Variants in CNTN5 observed in about 807,000 individuals in gnomAD.
CNTN5 encodes the protein contactin 5, also known as contactin-5.
A neutral mutation model predicts 129.1 loss-of-function variants in CNTN5; 77 were observed. The ratio of observed to expected loss-of-function variants is 0.60; its 90% CI spans 0.50 to 0.72. The LOEUF (loss-of-function observed/expected upper bound fraction) is 0.72, where lower values mean the gene tolerates loss of function less well. Among genes scored for constraint, CNTN5 ranks in the 30% least tolerant of loss-of-function variants. CNTN5 has a pLI of 0.00. For missense variants in CNTN5, 1,478 were observed against 1,328.8 expected (o/e 1.11, Z -1.75); for synonymous variants, 509 against 465.6 (o/e 1.09, Z -1.20).
chr11:99,890,948 C>G (rs1159572494), intron 6 of CNTN5, among the ~76,000 whole-genome samples: 2 of 151,970 alleles, frequency 1.3e-5, no homozygotes, highest in Non-Finnish European at 2.9e-5. Flanking sequence ...AAAATCAGAC[C>G]ATTGCCAATT....
intron 3 of CNTN5, among the ~76,000 whole-genome samples, chr11:99,564,992 T>G (rs1948956248): frequency 6.6e-6 from 1 of 152,214 alleles, no homozygotes; most frequent in Non-Finnish European, 1.5e-5. Flanking sequence ...CCAGTAATTA[T>G]TCTAATTTCT....
intron 2 of CNTN5, among the ~76,000 whole-genome samples, chr11:99,553,705 C>A (rs938148280): frequency 1.3e-5 from 2 of 151,384 alleles, no homozygotes; most frequent in Non-Finnish European, 2.9e-5. Context: ...ATATACATAT[C>A]AAAGCATTAT....
chr11:99,737,303 G>T (rs1402112522), intron 3 of CNTN5, among the ~76,000 whole-genome samples: 16 of 152,202 alleles, frequency 1.1e-4, no homozygotes, highest in African/African-American at 3.6e-4. Context: ...TTCTCCTGAA[G>T]CTCCTGTAAT....
At chr11:99,409,115 T>C (rs1942268951) in intron 2 of CNTN5, among the ~76,000 whole-genome samples, 1 of 152,190 alleles carries the variant, frequency 6.6e-6, no homozygotes, top group South Asian at 2.1e-4. Flanking sequence ...GTAGTTGATA[T>C]TTCTAATAAT....
intron 16 of CNTN5, 95 bp from the exon 17 acceptor site, chr11:100,255,665 T>C: frequency 9.5e-7 from 1 of 1,052,720 alleles, no homozygotes; most frequent in Non-Finnish European, 1.4e-6. Context: ...TTAAGGTGAT[T>C]ACATAGTTGG....
chr11:99,039,747 C>T (rs1863914598), intron 1 of CNTN5, among the ~76,000 whole-genome samples: 1 of 152,042 alleles, frequency 6.6e-6, no homozygotes, highest in Admixed American at 6.6e-5. Context: ...AACAAAGAAA[C>T]CATTTGTTGC....
chr11:99,826,778 G>T (rs1946973255), intron 4 of CNTN5, among the ~76,000 whole-genome samples: 1 of 152,094 alleles, frequency 6.6e-6, no homozygotes, highest in Non-Finnish European at 1.5e-5. Flanking sequence ...TTTTATCTGT[G>T]TTAACAGCAA....
At chr11:99,718,987 AG>A (rs780903770) in intron 3 of CNTN5, among the ~76,000 whole-genome samples, 5 of 152,126 alleles carry the variant, frequency 3.3e-5, no homozygotes, top group Non-Finnish European at 5.9e-5. Flanking sequence ...AAAAAATGAT[AG>A]AGTGATGTTC....
intron 3 of CNTN5, among the ~76,000 whole-genome samples, chr11:99,632,080 C>G (rs760787667): frequency 2.6e-5 from 4 of 151,960 alleles, no homozygotes; most frequent in Non-Finnish European, 5.9e-5. Flanking sequence ...TCAGGTATCC[C>G]CTGGGGGACT....
chr11:99,740,915 T>A (rs1047638187), intron 3 of CNTN5, among the ~76,000 whole-genome samples: 2 of 152,176 alleles, frequency 1.3e-5, no homozygotes, highest in African/African-American at 4.8e-5. Flanking sequence ...ACTATCTGCT[T>A]ATGTTTTCTG....
intron 2 of CNTN5, among the ~76,000 whole-genome samples, chr11:99,437,785 T>G (rs184080840): frequency 2.4e-4 from 37 of 152,246 alleles, no homozygotes; most frequent in African/African-American, 8.4e-4. Context: ...ATCGCACACT[T>G]GCAATCCAGC....
At chr11:99,886,610 C>G (rs1948907318) in intron 6 of CNTN5, among the ~76,000 whole-genome samples, 1 of 151,994 alleles carries the variant, frequency 6.6e-6, no homozygotes. Context: ...TACCATGAGA[C>G]ATATAAAAGA....
intron 2 of CNTN5, among the ~76,000 whole-genome samples, chr11:99,494,337 C>T (rs1433991113): frequency 1.3e-5 from 2 of 152,134 alleles, no homozygotes; most frequent in African/African-American, 4.8e-5. Context: ...CTATATTAAG[C>T]TACGAGACCT....
chr11:99,508,999 A>G (rs1946734582), intron 2 of CNTN5, among the ~76,000 whole-genome samples: 1 of 152,090 alleles, frequency 6.6e-6, no homozygotes, highest in African/African-American at 2.4e-5. Context: ...AAATTTTATA[A>G]ATAAATACAT....
chr11:100,282,031 G>A (rs1288641758), intron 18 of CNTN5, among the ~76,000 whole-genome samples: 3 of 139,692 alleles, frequency 2.1e-5, no homozygotes, highest in African/African-American at 8.1e-5. Flanking sequence ...CCTCATAACA[G>A]CTATTTTGAT....
chr11:99,261,649 A>G (rs1862633759), intron 1 of CNTN5, among the ~76,000 whole-genome samples: 1 of 152,060 alleles, frequency 6.6e-6, no homozygotes, highest in African/African-American at 2.4e-5. Flanking sequence ...AGTGAGGCTC[A>G]GATGCATACA....
Position 100,356,232 on chromosome 11 carries a change from T to C in CNTN5, c.*12T>C, listed in dbSNP as rs1334152984. On this transcript the variant is annotated 3_prime_UTR_variant, in exon 25 of 25. Coordinates refer to ENST00000524871, the MANE Select transcript of CNTN5 (RefSeq NM_014361.4). ...CAACTTCCTGGTGAAAACTGCTGAC[T>C]TAATTTGCTTTTGTTTGCTTTAGCT... 1.3e-6 allele frequency: 2 copies of C among 1,566,100 alleles called. No homozygotes were observed. Among genetic ancestry groups the C allele is most frequent in the Non-Finnish European group, 1.8e-6 (2 of 1,142,774 alleles).
chr11:100,101,461 G>A (rs766377071), intron 13 of CNTN5, among the ~76,000 whole-genome samples: 27 of 152,102 alleles, frequency 1.8e-4, no homozygotes, highest in Non-Finnish European at 3.1e-4. Flanking sequence ...CAATGATAGA[G>A]AATTTCTCAT....
At chr11:99,810,793 T>C (rs1053793334) in intron 3 of CNTN5, among the ~76,000 whole-genome samples, 2 of 152,104 alleles carry the variant, frequency 1.3e-5, no homozygotes, top group African/African-American at 2.4e-5. Context: ...GCAATTACTT[T>C]GAAAAAGGTC....
Sources: gnomAD v4.1 joint callset for allele counts (sites outside exome capture counted in the v4.1 genomes callset) on GRCh38, gnomAD v4.1.1 for gene constraint, MANE v1.5 for transcripts, NCBI Gene and HGNC (gene_info 2026-07-23, HGNC 2026-07-21) for gene names.